The following KANK1 variants were observed in gnomAD, a reference collection of about 807,000 sequenced individuals.
KANK1 encodes the protein KN motif and ankyrin repeat domain-containing protein 1.
Under a neutral mutation model 106.2 loss-of-function variants are expected in KANK1, and 109 were observed. The observed-to-expected ratio is 1.03, with a 90% CI of 0.88 to 1.20. The LOEUF is 1.20. Among genes scored for constraint, KANK1 ranks in the 50% most tolerant of loss-of-function variants. KANK1 has a pLI of 0.00. For synonymous variants in KANK1, 873 were observed against 652.2 expected, an observed-to-expected ratio of 1.34 and a Z score of -5.16; for missense variants, 2,399 against 1,710.7, an observed-to-expected ratio of 1.40 and a Z score of -7.10.
At chr9:474,167 G>T (rs1025046124) in intron 3 of KANK1, among the ~76,000 whole-genome samples, 10 of 152,188 alleles carry the variant, frequency 6.6e-5, no homozygotes, top group African/African-American at 2.2e-4. Flanking sequence ...ATAGGTACCT[G>T]CCTATCTGTC....
chr9:629,048 C>T (rs1835042510), intron 1 of KANK1, among the ~76,000 whole-genome samples: 1 of 146,980 alleles, frequency 6.8e-6, no homozygotes, highest in African/African-American at 2.5e-5. Context: ...CACCGCACTC[C>T]AGCCTGGGCA....
chr9:591,441 A>G (rs1012908816), intron 1 of KANK1, among the ~76,000 whole-genome samples: 1 of 151,654 alleles, frequency 6.6e-6, no homozygotes, highest in Non-Finnish European at 1.5e-5. Flanking sequence ...TCTTGTTATC[A>G]TGGCCTGCAG....
At chr9:536,670 G>T (rs930730521) in intron 1 of KANK1, among the ~76,000 whole-genome samples, 2 of 152,164 alleles carry the variant, frequency 1.3e-5, no homozygotes, top group Non-Finnish European at 2.9e-5. Flanking sequence ...ATTAGATTGG[G>T]TCCATCTAGA....
chr9:614,409 G>C (rs1339151456), intron 1 of KANK1, among the ~76,000 whole-genome samples: 3 of 152,096 alleles, frequency 2.0e-5, no homozygotes, highest in Admixed American at 2.0e-4. Context: ...AAATGAAAAA[G>C]ATTTATTTTT....
At chr9:632,748 G>C (rs1013277033) in intron 1 of KANK1, among the ~76,000 whole-genome samples, 10 of 152,122 alleles carry the variant, frequency 6.6e-5, no homozygotes, top group African/African-American at 2.4e-4. Context: ...GTAGTGCAGT[G>C]GTGAGATCTC....
upstream of KANK1, among the ~76,000 whole-genome samples, chr9:503,892 T>C (rs116645015): frequency 6.6e-6 from 1 of 152,122 alleles, no homozygotes; most frequent in African/African-American, 2.4e-5. Flanking sequence ...GAGGCAGGCG[T>C]TGGGTCTTCT....
intron 1 of KANK1, among the ~76,000 whole-genome samples, chr9:568,079 G>T (rs1818251743): frequency 6.6e-6 from 1 of 151,832 alleles, no homozygotes; most frequent in South Asian, 2.1e-4. Context: ...GAGTTAATTT[G>T]ACTAAATTCA....
intron 1 of KANK1, among the ~76,000 whole-genome samples, chr9:536,603 T>C (rs989664352): frequency 2.6e-5 from 4 of 152,208 alleles, no homozygotes; most frequent in South Asian, 2.1e-4. Context: ...GCTCCTCTTA[T>C]GTGATCCCAT....
intron 1 of KANK1, among the ~76,000 whole-genome samples, chr9:632,189 A>C (rs907542719): frequency 6.6e-6 from 1 of 152,192 alleles, no homozygotes; most frequent in Admixed American, 6.5e-5. Context: ...GTCAGAATTC[A>C]TATTTTCCTT....
At chr9:474,444 G>A (rs1046133325) in intron 3 of KANK1, among the ~76,000 whole-genome samples, 5 of 152,150 alleles carry the variant, frequency 3.3e-5, no homozygotes, top group African/African-American at 1.2e-4. Flanking sequence ...AGATGTATGA[G>A]GGCTAAATGA....
chr9:485,725 G>A (rs2058280717), intron 3 of KANK1, among the ~76,000 whole-genome samples: 1 of 152,106 alleles, frequency 6.6e-6, no homozygotes. Flanking sequence ...ATACAAATTA[G>A]CTGGATGTGG....
At chr9:563,000 A>G (rs1816884415) in intron 1 of KANK1, among the ~76,000 whole-genome samples, 1 of 152,220 alleles carries the variant, frequency 6.6e-6, no homozygotes, top group Non-Finnish European at 1.5e-5. Context: ...GCAGGGAAGC[A>G]GATCCATCAA....
At chr9:524,760 G>A (rs1299784802) in intron 1 of KANK1, among the ~76,000 whole-genome samples, 1 of 151,342 alleles carries the variant, frequency 6.6e-6, no homozygotes, top group East Asian at 1.9e-4. Context: ...CAGGTGATCT[G>A]CTGGTCTTGG....
chr9:707,311 G>A (rs1232439152), intron 2 of KANK1: 3 of 862,994 alleles, frequency 3.5e-6, no homozygotes, highest in Admixed American at 1.2e-4. Flanking sequence ...GCCTGGGCGA[G>A]GGGGGCCGGC....
At chr9:493,403 T>C (rs1002618385) in intron 3 of KANK1, among the ~76,000 whole-genome samples, 6 of 152,040 alleles carry the variant, frequency 3.9e-5, no homozygotes, top group African/African-American at 1.4e-4. Context: ...AGGTTTCAAA[T>C]GACAGAAGCC....
intron 1 of KANK1, among the ~76,000 whole-genome samples, chr9:664,686 A>T (rs1446945617): frequency 6.6e-6 from 1 of 152,214 alleles, no homozygotes; most frequent in Non-Finnish European, 1.5e-5. Flanking sequence ...TTTTAGAGAA[A>T]TACTCAGTAG....
rs1315436182 is a variant in KANK1, at chr9:742,693, A to G, written c.3897+288A>G. On this transcript the variant is annotated intron_variant, in intron 10 of 11. Transcript: ENST00000382297. ...GGGCATGTCCAAGAGCCCCTCTACT[A>G]AAGGGAAATCAATGGATTTGCACTG... Among the ~76,000 whole-genome samples the G allele has an allele frequency of 2.6e-5, 4 of 152,222 alleles. No individual in the cohort carries two copies. The South Asian group carries it at 6.2e-4, about 24-fold the overall frequency.
chr9:642,774 T>TC (rs1427802244), intron 1 of KANK1, among the ~76,000 whole-genome samples: 2 of 149,972 alleles, frequency 1.3e-5, no homozygotes, highest in South Asian at 2.1e-4. Flanking sequence ...CTTTTTTTTT[T>TC]CTCTATCTAG....
intron 1 of KANK1, among the ~76,000 whole-genome samples, chr9:652,198 G>C (rs1321905678): frequency 6.6e-6 from 1 of 152,146 alleles, no homozygotes; most frequent in Non-Finnish European, 1.5e-5. Context: ...GGTACAGAAA[G>C]CTATATGTAG....
Sources: allele counts gnomAD v4.1 joint callset (sites outside exome capture counted in the v4.1 genomes callset), GRCh38; gene constraint gnomAD v4.1.1; transcripts MANE v1.5; gene names NCBI Gene and HGNC (gene_info 2026-07-23, HGNC 2026-07-21).